Variants in ZBBX observed in about 807,000 individuals in gnomAD.
ZBBX encodes the protein zinc finger B-box domain containing, also known as zinc finger B-box domain-containing protein 1.
Under a neutral mutation model 108.5 loss-of-function variants are expected in ZBBX, and 101 were observed. That is an observed-to-expected ratio of 0.93 (90% CI 0.79 to 1.10). The LOEUF is 1.10. Among genes scored for constraint, ZBBX ranks in the 50% least tolerant of loss-of-function variants. The pLI, the probability that ZBBX is intolerant of heterozygous loss-of-function variation, is 0.00. For missense variants in ZBBX, 1,009 were observed against 941.4 expected, an observed-to-expected ratio of 1.07 and a Z score of -0.94; for synonymous variants, 356 against 323.4, an observed-to-expected ratio of 1.10 and a Z score of -1.08.
chr3:167,348,373 A>AG (rs1246072923), intron 9 of ZBBX, among the ~76,000 whole-genome samples: 43 of 139,604 alleles, frequency 3.1e-4, no homozygotes, highest in South Asian at 6.9e-4. Flanking sequence ...AGAAAGAAAA[A>AG]AAAGAAAAGA....
At chr3:167,193,344 C>T in the ZBBX span, among the ~76,000 whole-genome samples, 1 of 152,174 alleles carries the variant, frequency 6.6e-6, no homozygotes, top group African/African-American at 2.4e-5. Context: ...TCTGTGAAAA[C>T]AAACCTTTCA....
intron 17 of ZBBX, 64 bp downstream of exon 17, chr3:167,305,579 C>T (rs1733486299): frequency 2.4e-6 from 3 of 1,242,368 alleles, no homozygotes; most frequent in Non-Finnish European, 3.2e-6. Context: ...TATTGTGTCA[C>T]TAAGACATTT....
chr3:167,186,618 G>A, the ZBBX span, among the ~76,000 whole-genome samples: 1 of 152,020 alleles, frequency 6.6e-6, no homozygotes, highest in Non-Finnish European at 1.5e-5. Context: ...TGCTTCAGAA[G>A]GACATTACAA....
At chr3:167,281,680 T>C (rs1174738768) in intron 20 of ZBBX, among the ~76,000 whole-genome samples, 1 of 152,142 alleles carries the variant, frequency 6.6e-6, no homozygotes, top group Non-Finnish European at 1.5e-5. Context: ...GGAAATAAAA[T>C]GCGCAAGTAT....
At chr3:167,321,764 A>G (rs909197483) in intron 12 of ZBBX, among the ~76,000 whole-genome samples, 6 of 152,072 alleles carry the variant, frequency 3.9e-5, no homozygotes, top group African/African-American at 1.4e-4. Flanking sequence ...TCTGAAAATT[A>G]TAGTCTCAAA....
intron 1 of ZBBX, among the ~76,000 whole-genome samples, chr3:167,396,806 G>C (rs1748247844): frequency 6.6e-6 from 1 of 151,868 alleles, no homozygotes; most frequent in South Asian, 2.1e-4. Flanking sequence ...GAGGAAGACA[G>C]AGATAGGGAA....
intron 20 of ZBBX, chr3:167,252,070 A>G: frequency 1.8e-6 from 2 of 1,129,440 alleles, no homozygotes; most frequent in South Asian, 2.7e-5. Context: ...AGGTACTTCT[A>G]GAATGGCAGT....
intron 12 of ZBBX, among the ~76,000 whole-genome samples, chr3:167,320,724 G>A (rs1736296948): frequency 6.6e-6 from 1 of 151,928 alleles, no homozygotes; most frequent in African/African-American, 2.4e-5. Flanking sequence ...AAGATATATT[G>A]ACATCACGAT....
chr3:167,384,156 A>C (rs1437550988), upstream of ZBBX, among the ~76,000 whole-genome samples: 1 of 152,106 alleles, frequency 6.6e-6, no homozygotes, highest in Non-Finnish European at 1.5e-5. Flanking sequence ...TTCAAGGGTA[A>C]TTCTGGTGGC....
In ZBBX at chr3:167,240,602, CA is replaced by C. The variant is rs1312815940; in HGVS notation, c.*190del. 1.3e-5 allele frequency: 7 copies of C among 521,418 alleles called. No individual in the cohort carries two copies. In the Admixed American group the frequency reaches 2.1e-4, roughly 16 times the overall value. 32.3% of individuals were successfully genotyped at this position (521,418 alleles called of 1,614,324 possible). ...ATCTGCAATATAGATTAGTGGTTGA[CA>C]TATAATATATCATTGGAAGAATAAG... On this transcript the variant is annotated 3_prime_UTR_variant, in exon 22 of 22. Transcript: ENST00000675490.
intron 12 of ZBBX, among the ~76,000 whole-genome samples, chr3:167,318,079 G>A (rs1025724493): frequency 4.6e-5 from 7 of 151,902 alleles, no homozygotes; most frequent in African/African-American, 1.7e-4. Flanking sequence ...TCAGGCTGTG[G>A]TATCTATTAC....
At chr3:167,256,579 C>T (rs1277680814) in intron 20 of ZBBX, among the ~76,000 whole-genome samples, 1 of 149,408 alleles carries the variant, frequency 6.7e-6, no homozygotes, top group East Asian at 1.9e-4. Flanking sequence ...TTTTTGGACC[C>T]ATTAACCATC....
the ZBBX span, among the ~76,000 whole-genome samples, chr3:167,220,399 G>A: frequency 2.6e-5 from 4 of 152,018 alleles, no homozygotes; most frequent in Admixed American, 2.6e-4. Context: ...GACTAAGTGG[G>A]ATGTATTGCA....
At chr3:167,297,754 T>C (rs1031463772) in intron 18 of ZBBX, among the ~76,000 whole-genome samples, 10 of 151,954 alleles carry the variant, frequency 6.6e-5, no homozygotes, top group Non-Finnish European at 4.4e-5. Context: ...AAAGAGTATA[T>C]ACAAATTACT....
chr3:167,322,262 T>C (rs1736571799), intron 11 of ZBBX, 25 bp from the exon 12 acceptor site: 2 of 1,423,684 alleles, frequency 1.4e-6, no homozygotes, highest in Non-Finnish European at 1.8e-6. Flanking sequence ...ACAATGTGCA[T>C]AATTAAAATA....
At position 167,348,369 on chromosome 3, in the gene ZBBX, A is replaced by AAAG. The variant is rs759038070; in HGVS notation, c.528+2050_528+2051insCTT. 2.6e-3 allele frequency among the ~76,000 whole-genome samples: 359 copies of AAAG among 140,642 alleles called. 2 individuals are homozygous for AAAG. Among genetic ancestry groups the AAAG allele is most frequent in the African/African-American group, 9.1e-3 (334 of 36,580 alleles). The allele number at this position is 140,642 out of a possible 152,430, so 92.3% of individuals were successfully genotyped here. A position where few individuals can be genotyped will look rare whatever the true frequency, so the allele number is the denominator to read the frequency against. ...GAAAGAAAGAAAGAAAGAAAGAAAGAAAAAAAAGAAAAGAAAAGAAGAAGG... is the reference window on the plus strand; with the variant it reads ...GAAAGAAAGAAAGAAAGAAAGAAAGAAAGAAAAAAAGAAAAGAAAAGAAGAAGG... On this transcript the variant is annotated intron_variant, in intron 9 of 21. Transcript: ENST00000675490.
intron 20 of ZBBX, among the ~76,000 whole-genome samples, chr3:167,277,818 A>G (rs890726336): frequency 1.1e-4 from 16 of 152,184 alleles, no homozygotes; most frequent in Admixed American, 4.6e-4. Flanking sequence ...ACCACACCAC[A>G]TCTATTCCGA....
intron 20 of ZBBX, among the ~76,000 whole-genome samples, chr3:167,275,118 A>C: frequency 6.6e-6 from 1 of 152,318 alleles, no homozygotes; most frequent in East Asian, 1.9e-4. Flanking sequence ...AAGTTGGCTA[A>C]ATATATACTT....
At chr3:167,219,477 T>C in the ZBBX span, among the ~76,000 whole-genome samples, 1 of 151,976 alleles carries the variant, frequency 6.6e-6, no homozygotes, top group African/African-American at 2.4e-5. Context: ...ACAAGAGGAA[T>C]TTTGGAAACT....
Sources: gnomAD v4.1 joint callset for allele counts (sites outside exome capture counted in the v4.1 genomes callset) on GRCh38, gnomAD v4.1.1 for gene constraint, MANE v1.5 for transcripts, NCBI Gene and HGNC (gene_info 2026-07-23, HGNC 2026-07-21) for gene names.